The following GTF2F2 variants were observed in gnomAD, a reference collection of about 807,000 sequenced individuals.
GTF2F2 encodes the protein ATP-dependent helicase GTF2F2.
Under a neutral mutation model 42.2 loss-of-function variants are expected in GTF2F2, and 23 were observed. The observed-to-expected ratio is 0.55, with a 90% CI of 0.39 to 0.77. The LOEUF is 0.77. Among genes scored for constraint, GTF2F2 ranks in the 30% least tolerant of loss-of-function variants. GTF2F2 has a pLI of 0.00. For missense variants in GTF2F2, 261 were observed against 287.2 expected (o/e 0.91, Z 0.66); for synonymous variants, 105 against 100.8 (o/e 1.04, Z -0.25).
chr13:45,227,813 G>C (rs1234346760), intron 5 of GTF2F2, among the ~76,000 whole-genome samples: 1 of 152,162 alleles, frequency 6.6e-6, no homozygotes, highest in Non-Finnish European at 1.5e-5. Context: ...TGAGTCCTCT[G>C]CAGTAGAGAG....
At chr13:45,180,940 T>A (rs1872124837) in intron 4 of GTF2F2, among the ~76,000 whole-genome samples, 1 of 151,146 alleles carries the variant, frequency 6.6e-6, no homozygotes, top group Admixed American at 6.6e-5. Flanking sequence ...AGCAGGAGGA[T>A]CACTTGAGCC....
chr13:45,231,456 A>G (rs1874678230), intron 5 of GTF2F2, among the ~76,000 whole-genome samples: 1 of 152,200 alleles, frequency 6.6e-6, no homozygotes, highest in African/African-American at 2.4e-5. Flanking sequence ...AAATATGTAC[A>G]GAAATTCTCT....
At chr13:45,138,722 T>C (rs1291993502) in intron 2 of GTF2F2, among the ~76,000 whole-genome samples, 1 of 152,228 alleles carries the variant, frequency 6.6e-6, no homozygotes, top group Non-Finnish European at 1.5e-5. Context: ...CTCAGCTCAC[T>C]GTATCCTCTG....
At chr13:45,202,358 G>T (rs1183687118) in intron 4 of GTF2F2, among the ~76,000 whole-genome samples, 1 of 152,180 alleles carries the variant, frequency 6.6e-6, no homozygotes, top group African/African-American at 2.4e-5. Context: ...CTGCACTCCA[G>T]TCTAGGCAAC....
At position 45,238,945 on chromosome 13, in the gene GTF2F2, GA is replaced by G. The variant is rs201402405; in HGVS notation, c.387-13911del. 2.3e-3 allele frequency among the ~76,000 whole-genome samples: 237 copies of G among 101,606 alleles called. No individual in the cohort carries two copies. The East Asian group carries it at 0.024, about 10-fold the overall frequency. The allele number at this position is 101,606 out of a possible 152,430, so 66.7% of individuals were successfully genotyped here. On this transcript the variant is annotated intron_variant, in intron 5 of 7. Coordinates refer to ENST00000340473, the MANE Select transcript of GTF2F2 (RefSeq NM_004128.3). Reference sequence around the variant, plus strand: ...GGCAATAAGAGCGAAATTCCATCTCGAAAAAAAAAAAAAAAGGAAAAAAAGG... The same window carrying G: ...GGCAATAAGAGCGAAATTCCATCTCGAAAAAAAAAAAAAAGGAAAAAAAGG...
intron 6 of GTF2F2, among the ~76,000 whole-genome samples, chr13:45,256,641 A>C (rs539800118): frequency 1.3e-5 from 2 of 152,286 alleles, no homozygotes; most frequent in South Asian, 2.1e-4. Context: ...GCTTTAAAAA[A>C]CATATTCAGT....
rs1186332254 is a variant in GTF2F2 at position 45,171,258 on chromosome 13, T to C, written c.304+19427T>C. Among the ~76,000 whole-genome samples the C allele has an allele frequency of 2.6e-5, 4 of 152,018 alleles. No homozygotes were observed. The South Asian group carries it at 8.3e-4, about 32-fold the overall frequency. On this transcript the variant is annotated intron_variant, in intron 4 of 7. Transcript: ENST00000340473. ...AGGCCCAGCTAACTTTTCTGTTTTTTAGTAGAGATGGAGTTTCGCCATGTC... is the reference window on the plus strand; with the variant it reads ...AGGCCCAGCTAACTTTTCTGTTTTTCAGTAGAGATGGAGTTTCGCCATGTC...
At chr13:45,252,210 A>G (rs988552425) in intron 5 of GTF2F2, among the ~76,000 whole-genome samples, 3 of 152,140 alleles carry the variant, frequency 2.0e-5, no homozygotes, top group Non-Finnish European at 4.4e-5. Flanking sequence ...TGGCACAGTC[A>G]CAGCTCACTG....
chr13:45,125,032 G>T (rs1392994575), intron 1 of GTF2F2, among the ~76,000 whole-genome samples: 1 of 152,222 alleles, frequency 6.6e-6, no homozygotes, highest in African/African-American at 2.4e-5. Context: ...TGGCCAAAGA[G>T]AAAGTTATAT....
intron 4 of GTF2F2, among the ~76,000 whole-genome samples, chr13:45,180,693 A>G (rs1872110374): frequency 6.6e-6 from 1 of 152,148 alleles, no homozygotes; most frequent in South Asian, 2.1e-4. Context: ...TTGTTGCTTT[A>G]ATAAATTTTT....
At chr13:45,279,038 G>A (rs1328816470) in intron 7 of GTF2F2, among the ~76,000 whole-genome samples, 4 of 151,888 alleles carry the variant, frequency 2.6e-5, no homozygotes, top group Admixed American at 6.6e-5. Context: ...TGGCCGGCTG[G>A]TCTTGAATTC....
At chr13:45,205,914 A>G (rs1357767768) in intron 4 of GTF2F2, among the ~76,000 whole-genome samples, 1 of 152,108 alleles carries the variant, frequency 6.6e-6, no homozygotes, top group Admixed American at 6.5e-5. Context: ...AAATCTTGCT[A>G]TTGTTGTGAC....
intron 4 of GTF2F2, among the ~76,000 whole-genome samples, chr13:45,165,327 A>ATTT (rs1227410406): frequency 6.0e-5 from 8 of 133,262 alleles, no homozygotes; most frequent in African/African-American, 2.5e-4. Context: ...ATATATATAT[A>ATTT]TATATTTTTT....
chr13:45,153,713 C>T (rs185381598), intron 4 of GTF2F2, among the ~76,000 whole-genome samples: 85 of 152,156 alleles, frequency 5.6e-4, no homozygotes, highest in Non-Finnish European at 9.0e-4. Flanking sequence ...CATGGTGGCT[C>T]ATGCCTGTAA....
intron 5 of GTF2F2, among the ~76,000 whole-genome samples, chr13:45,245,605 A>G (rs984149966): frequency 6.7e-6 from 1 of 149,344 alleles, no homozygotes; most frequent in Non-Finnish European, 1.5e-5. Flanking sequence ...AACTCCACCC[A>G]GGTTGCTGCA....
chr13:45,121,881 C>CATGTTACTTG (rs1487046092), intron 1 of GTF2F2, among the ~76,000 whole-genome samples: 1 of 151,912 alleles, frequency 6.6e-6, no homozygotes, highest in Non-Finnish European at 1.5e-5. Context: ...TCTCCAGCAG[C>CATGTTACTTG]ATGTTACTTG....
chr13:45,209,423 G>A (rs1364666635), intron 5 of GTF2F2, among the ~76,000 whole-genome samples: 1 of 152,200 alleles, frequency 6.6e-6, no homozygotes, highest in African/African-American at 2.4e-5. Flanking sequence ...AGCCATGCAT[G>A]ACTGTATTTT....
At chr13:45,282,045 A>C (rs943554806) in intron 7 of GTF2F2, among the ~76,000 whole-genome samples, 11 of 152,104 alleles carry the variant, frequency 7.2e-5, no homozygotes, top group Admixed American at 6.5e-5. Flanking sequence ...CTAAAAATAC[A>C]AAAAATTTAG....
Position 45,128,109 on chromosome 13 carries a change from C to T in GTF2F2, c.66+7388C>T, listed in dbSNP as rs188881228. Among the ~76,000 whole-genome samples the T allele has an allele frequency of 5.2e-3, 774 of 148,358 alleles. 5 individuals are homozygous for T. The highest frequency in any genetic ancestry group is 6.8e-3 in the Middle Eastern group (2 of 292). ...CCGAGTAGCTGAGACTACAGGTGCC[C>T]GCCACCATGCCCGGCTAATTTTTTG... On this transcript the variant is annotated intron_variant, in intron 1 of 7. Transcript: ENST00000340473.
Sources: gnomAD v4.1 joint callset for allele counts (sites outside exome capture counted in the v4.1 genomes callset) on GRCh38, gnomAD v4.1.1 for gene constraint, MANE v1.5 for transcripts, NCBI Gene and HGNC (gene_info 2026-07-23, HGNC 2026-07-21) for gene names.